PSMA8: variants seen among roughly 807,000 people sequenced by gnomAD.
PSMA8 encodes the protein proteasome subunit alpha-type 8.
PSMA8 carries 18 observed loss-of-function variants against 32.4 expected under a neutral mutation model. That is an observed-to-expected ratio of 0.56 (90% CI 0.38 to 0.82). PSMA8 has a LOEUF of 0.82. Ranked by LOEUF, PSMA8 falls within the 40% of genes least tolerant of loss-of-function variation. PSMA8 has a pLI of 0.00. For missense variants in PSMA8, 298 were observed against 300.7 expected (o/e 0.99, Z 0.07); for synonymous variants, 104 against 98.1 (o/e 1.06, Z -0.36).
chr18:26,180,970 CCT>C (rs1269923939), intron 6 of PSMA8, among the ~76,000 whole-genome samples: 1 of 152,118 alleles, frequency 6.6e-6, no homozygotes, highest in African/African-American at 2.4e-5. Flanking sequence ...TCTAACGATA[CCT>C]TCATCAAAGG....
rs1337291507 is a variant in PSMA8, at chr18:26,152,001, A to G, written c.354+19A>G. 6 of 1,580,830 alleles carry G rather than the reference A, an allele frequency of 3.8e-6. No individual in the cohort carries two copies. The highest frequency in any genetic ancestry group is 2.3e-5 in the East Asian group (1 of 44,248). ...AAAGCAGGTAAGCTAATATTCTAAC[A>G]TACTTTGTTAAGCTTTCTCCTTTTT... On this transcript the variant is annotated intron_variant, in intron 3 of 6. Coordinates refer to ENST00000415576, the MANE Select transcript of PSMA8 (RefSeq NM_001025096.2).
chr18:26,144,511 T>C, intron 1 of PSMA8, 48 bp from the exon 2 acceptor site: 2 of 1,527,934 alleles, frequency 1.3e-6, no homozygotes, highest in Non-Finnish European at 1.8e-6. Flanking sequence ...CTTGGTTTTA[T>C]ATTTTAAACT....
At chr18:26,159,483 T>C (rs967113335) in intron 4 of PSMA8, among the ~76,000 whole-genome samples, 1 of 152,102 alleles carries the variant, frequency 6.6e-6, no homozygotes, top group Non-Finnish European at 1.5e-5. Flanking sequence ...ATTTCTTGTC[T>C]CCTAAATCTG....
chr18:26,145,211 C>T lies in PSMA8; in HGVS notation c.229+526C>T, dbSNP rs1030254849. Among the ~76,000 whole-genome samples, 7 of 152,062 alleles carry T rather than the reference C, an allele frequency of 4.6e-5. No individual in the cohort carries two copies. In the East Asian group the frequency reaches 5.8e-4, roughly 13 times the overall value. ...TCTGCTCACTGCAACCTCCACCTCC[C>T]GGGTTCAAGCAATTCTCCTGCCTCA... On this transcript the variant is annotated intron_variant, in intron 2 of 6. Transcript: ENST00000415576.
chr18:26,149,426 T>C (rs2055028148), intron 2 of PSMA8, among the ~76,000 whole-genome samples: 1 of 151,550 alleles, frequency 6.6e-6, no homozygotes, highest in Non-Finnish European at 1.5e-5. Flanking sequence ...ATTTCAATGA[T>C]TTTTTTAAAT....
chr18:26,158,002 C>A (rs1598652967), intron 3 of PSMA8, 120 bp from the exon 4 acceptor site: 1 of 679,834 alleles, frequency 1.5e-6, no homozygotes, highest in South Asian at 2.3e-5. Flanking sequence ...GGAAAAAGAT[C>A]ATTAATATAT....
intron 6 of PSMA8, among the ~76,000 whole-genome samples, chr18:26,184,932 C>G (rs973355586): frequency 6.7e-6 from 1 of 148,624 alleles, no homozygotes; most frequent in African/African-American, 2.5e-5. Flanking sequence ...ACTAAAAATA[C>G]AAAAAATTAG....
intron 3 of PSMA8, among the ~76,000 whole-genome samples, chr18:26,153,106 T>C (rs1008471719): frequency 1.3e-5 from 2 of 152,224 alleles, no homozygotes; most frequent in African/African-American, 4.8e-5. Context: ...AGTATAATCA[T>C]GATGTCTACA....
intron 2 of PSMA8, among the ~76,000 whole-genome samples, chr18:26,147,070 G>C (rs983581759): frequency 6.6e-6 from 1 of 151,896 alleles, no homozygotes; most frequent in African/African-American, 2.4e-5. Context: ...AACAGCATTG[G>C]GGGATAGTGC....
At chr18:26,192,061 G>A (rs1393544784) in intron 6 of PSMA8, among the ~76,000 whole-genome samples, 1 of 152,076 alleles carries the variant, frequency 6.6e-6, no homozygotes, top group Non-Finnish European at 1.5e-5. Flanking sequence ...TGCACATATA[G>A]GATATATAAC....
At chr18:26,170,762 G>A in intron 4 of PSMA8, 1 of 1,542,602 alleles carries the variant, frequency 6.5e-7, no homozygotes. Context: ...TGTACTTAAT[G>A]CCTTTCTCCT....
At chr18:26,170,274 CA>C (rs2055210344) in intron 4 of PSMA8, among the ~76,000 whole-genome samples, 1 of 130,756 alleles carries the variant, frequency 7.6e-6, no homozygotes. Context: ...ACTGGACTTC[CA>C]GGTTGTTTTC....
chr18:26,180,829 T>C (rs376829460), intron 6 of PSMA8, among the ~76,000 whole-genome samples: 2 of 152,220 alleles, frequency 1.3e-5, no homozygotes, highest in Middle Eastern at 3.2e-3. Flanking sequence ...ATAGGCTATG[T>C]AGGGAATAGA....
chr18:26,166,381 A>G (rs1219217369), intron 4 of PSMA8, among the ~76,000 whole-genome samples: 1 of 152,214 alleles, frequency 6.6e-6, no homozygotes, highest in East Asian at 1.9e-4. Flanking sequence ...GATCATGGAT[A>G]AAATTGCTGG....
intron 3 of PSMA8, among the ~76,000 whole-genome samples, chr18:26,155,213 C>G (rs763577848): frequency 6.6e-6 from 1 of 151,520 alleles, no homozygotes; most frequent in African/African-American, 2.4e-5. Context: ...CCAGCCTGGG[C>G]GACAGAGTGA....
At chr18:26,179,021 A>G (rs2055287016) in intron 5 of PSMA8, 47 bp from the exon 6 acceptor site, 1 of 1,607,496 alleles carries the variant, frequency 6.2e-7, no homozygotes, top group Admixed American at 1.7e-5. Flanking sequence ...TTTATTAAAC[A>G]CAAAATTTGC....
At position 26,144,545 on chromosome 18, in the gene PSMA8, TAATGACTTGACAGGTCG is replaced by T. The variant is rs2054985739; in HGVS notation, c.103-13_106del. 18 of 1,608,158 alleles carry T rather than the reference TAATGACTTGACAGGTCG, an allele frequency of 1.1e-5. No individual in the cohort carries two copies. Among genetic ancestry groups the T allele is most frequent in the Non-Finnish European group, 1.5e-5 (18 of 1,175,150 alleles). Reference sequence around the variant, plus strand: ...CTGACATCTGAATATATATGTATTTTAATGACTTGACAGGTCGGAATTCGAGGTACCAATATAGTTGT... The same window carrying T: ...CTGACATCTGAATATATATGTATTTTGAATTCGAGGTACCAATATAGTTGT... On this transcript the variant is annotated splice_acceptor_variant and splice_polypyrimidine_tract_variant and coding_sequence_variant and intron_variant, in exon 2 of 7. Transcript: ENST00000415576. LOFTEE classifies it high-confidence loss of function.
chr18:26,151,289 A>C (rs1177897599), intron 2 of PSMA8, among the ~76,000 whole-genome samples: 2 of 152,196 alleles, frequency 1.3e-5, no homozygotes, highest in Non-Finnish European at 2.9e-5. Flanking sequence ...GACATGGAAA[A>C]GTCAAATGCC....
chr18:26,173,600 G>C (rs191840673), intron 4 of PSMA8, among the ~76,000 whole-genome samples: 1 of 148,644 alleles, frequency 6.7e-6, no homozygotes, highest in African/African-American at 2.5e-5. Context: ...CTTGTTGCCC[G>C]GGCTGGAGTG....
Sources: allele counts gnomAD v4.1 joint callset (sites outside exome capture counted in the v4.1 genomes callset), GRCh38; gene constraint gnomAD v4.1.1; transcripts MANE v1.5; gene names NCBI Gene and HGNC (gene_info 2026-07-23, HGNC 2026-07-21).